The following TANC1 variants were observed in gnomAD, a reference collection of about 807,000 sequenced individuals.
The protein encoded by TANC1 is tetratricopeptide repeat, ankyrin repeat and coiled-coil containing 1, also known as protein TANC1.
Under a neutral mutation model 149.7 loss-of-function variants are expected in TANC1, and 77 were observed. The observed-to-expected ratio is 0.51, with a 90% CI of 0.43 to 0.62. TANC1 has a LOEUF of 0.62. Among genes scored for constraint, TANC1 ranks in the 20% least tolerant of loss-of-function variants. TANC1 has a pLI of 0.00. For synonymous variants in TANC1, 854 were observed against 925.0 expected, an observed-to-expected ratio of 0.92 and a Z score of 1.39; for missense variants, 1,985 against 2,321.8, an observed-to-expected ratio of 0.85 and a Z score of 2.98.
At position 159,179,003 on chromosome 2, in the gene TANC1, G is replaced by A. The variant is rs372387758; in HGVS notation, c.2350G>A (p.Gly784Arg). The A allele has an allele frequency of 5.6e-6, 9 of 1,613,942 alleles. No individual in the cohort carries two copies. The highest frequency in any genetic ancestry group is 7.6e-6 in the Non-Finnish European group (9 of 1,180,022). ...FQAINAGHIQ[G>R]EQGWEDFQQR... The stretch of plus-strand genomic sequence containing the variant: ...GGCTATTAATGCTGGCCACATCCAG[G>A]GGGAGCAGGGATGGGAAGACTTTCA... The change falls in exon 14 of 27, where the codon GGG becomes AGG. Residue 784 changes from glycine to arginine, a missense_variant. This residue lies in a region of TANC1 where 508 missense variants were observed against 714.2 expected (regional missense o/e 0.71). Transcript: ENST00000263635.
chr2:159,143,345 A>G (rs1156897017), intron 5 of TANC1, among the ~76,000 whole-genome samples: 1 of 152,048 alleles, frequency 6.6e-6, no homozygotes, highest in African/African-American at 2.4e-5. Flanking sequence ...ACAGTCTTGC[A>G]TGGGTAAAAG....
chr2:159,146,705 T>TA (rs1019719682), intron 5 of TANC1, among the ~76,000 whole-genome samples: 21 of 152,112 alleles, frequency 1.4e-4, no homozygotes, highest in African/African-American at 4.8e-4. Context: ...TACGCCCAGC[T>TA]AATTTTTGTA....
At chr2:159,150,818 G>A (rs903353832) in intron 7 of TANC1, 2 of 389,556 alleles carry the variant, frequency 5.1e-6, no homozygotes, top group African/African-American at 4.1e-5. Context: ...GATCTGGCCT[G>A]TGAAACAAAA....
chr2:159,131,653 T>A (rs1226155780), intron 4 of TANC1, among the ~76,000 whole-genome samples: 1 of 152,212 alleles, frequency 6.6e-6, no homozygotes, highest in African/African-American at 2.4e-5. Flanking sequence ...GGTCTTTCTT[T>A]AATCTTTTTG....
At chr2:159,025,725 G>T (rs2039287602) in intron 2 of TANC1, among the ~76,000 whole-genome samples, 1 of 152,026 alleles carries the variant, frequency 6.6e-6, no homozygotes, top group Non-Finnish European at 1.5e-5. Context: ...CTTTGAAATG[G>T]TATACAATTT....
At chr2:159,103,668 G>C (rs1218463931) in intron 4 of TANC1, among the ~76,000 whole-genome samples, 1 of 96,674 alleles carries the variant, frequency 1.0e-5, no homozygotes, top group African/African-American at 2.9e-5. Context: ...AGATCATGGA[G>C]GTTCACAGGC....
intron 2 of TANC1, among the ~76,000 whole-genome samples, chr2:159,062,991 A>AAAAAAAAAAAAAAAAAAG (rs1553534848): frequency 2.7e-5 from 4 of 147,094 alleles, no homozygotes; most frequent in Non-Finnish European, 4.5e-5. Context: ...AAAAAAAAAA[A>AAAAAAAAAAAAAAAAAAG]AAAAGAAAGC....
chr2:159,142,895 C>T (rs2051537917), intron 5 of TANC1, among the ~76,000 whole-genome samples: 1 of 151,720 alleles, frequency 6.6e-6, no homozygotes, highest in Non-Finnish European at 1.5e-5. Context: ...GAAACCTTGT[C>T]TCTACTAAAA....
intron 8 of TANC1, among the ~76,000 whole-genome samples, chr2:159,165,189 C>T (rs1043977869): frequency 6.6e-6 from 1 of 152,098 alleles, no homozygotes; most frequent in African/African-American, 2.4e-5. Flanking sequence ...GTTTTCTGCT[C>T]GATGTTCTTT....
At position 159,224,371 on chromosome 2, in the gene TANC1, G is replaced by A. The variant is rs1236391521; in HGVS notation, c.3811+7G>A. 1.2e-6 allele frequency: 2 copies of A among 1,614,066 alleles called. No individual in the cohort carries two copies. Among genetic ancestry groups the A allele is most frequent in the Non-Finnish European group, 1.7e-6 (2 of 1,180,034 alleles). On this transcript the variant is annotated splice_region_variant and intron_variant, in intron 23 of 26. Transcript: ENST00000263635. ...AGAAAGGGAGCCAAGTTAGGTCAGT[G>A]AGCACTGCCTCCATTGAGCAGGAGG...
At chr2:159,096,587 GC>G in intron 3 of TANC1, among the ~76,000 whole-genome samples, 1 of 152,330 alleles carries the variant, frequency 6.6e-6, no homozygotes, top group East Asian at 1.9e-4. Flanking sequence ...GACGCAGGTA[GC>G]CCCTGCTGCT....
chr2:159,199,129 A>C, intron 19 of TANC1, 76 bp downstream of exon 19: 1 of 1,063,746 alleles, frequency 9.4e-7, no homozygotes, highest in Non-Finnish European at 1.5e-6. Context: ...TAATTGTCTT[A>C]AGAATGACTG....
chr2:159,083,944 A>G (rs2044546263), intron 3 of TANC1, among the ~76,000 whole-genome samples: 1 of 151,462 alleles, frequency 6.6e-6, no homozygotes, highest in South Asian at 2.1e-4. Context: ...ATGCATACAA[A>G]TAAGATATAG....
intron 7 of TANC1, among the ~76,000 whole-genome samples, chr2:159,160,076 C>T (rs1028066036): frequency 3.3e-5 from 5 of 152,114 alleles, no homozygotes; most frequent in Admixed American, 6.5e-5. Context: ...TGAGACTAAA[C>T]GGAATGTAAC....
At chr2:158,984,650 G>C (rs144630168) in intron 1 of TANC1, among the ~76,000 whole-genome samples, 1 of 152,100 alleles carries the variant, frequency 6.6e-6, no homozygotes, top group African/African-American at 2.4e-5. Context: ...ACCACTGCAA[G>C]GTGTTAGGGA....
At chr2:159,118,326 T>C (rs1171153919) in intron 4 of TANC1, among the ~76,000 whole-genome samples, 1 of 152,332 alleles carries the variant, frequency 6.6e-6, no homozygotes, top group East Asian at 1.9e-4. Context: ...CACTTAGGGG[T>C]ATGGTGGTGT....
intron 2 of TANC1, among the ~76,000 whole-genome samples, chr2:159,024,201 A>G (rs2039065358): frequency 6.6e-6 from 1 of 152,202 alleles, no homozygotes; most frequent in South Asian, 2.1e-4. Context: ...TGTGTATGCA[A>G]TGGCAGTCCC....
At chr2:159,133,436 C>CCTCCAA (rs2050315390) in intron 4 of TANC1, among the ~76,000 whole-genome samples, 1 of 151,666 alleles carries the variant, frequency 6.6e-6, no homozygotes, top group Non-Finnish European at 1.5e-5. Flanking sequence ...CTTACTGTAG[C>CCTCCAA]CTCCAACTCC....
At position 159,084,995 on chromosome 2, in the gene TANC1, A is replaced by G. The variant is rs962675006; in HGVS notation, c.62-12642A>G. 2.6e-5 allele frequency among the ~76,000 whole-genome samples: 4 copies of G among 152,180 alleles called. 1 individual carries two copies. Among genetic ancestry groups the G allele is most frequent in the Middle Eastern group, 6.3e-3 (2 of 316 alleles). ...CCTCATCTGCAGCAAGGGGGCAATG[A>G]CAGTGTCATTTTAAATGGAATGGGG... On this transcript the variant is annotated intron_variant, in intron 3 of 26. Transcript: ENST00000263635.
Sources: gnomAD v4.1 joint callset for allele counts (sites outside exome capture counted in the v4.1 genomes callset) on GRCh38, gnomAD v4.1.1 for gene constraint, gnomAD v4.1.1 regional missense constraint, MANE v1.5 for transcripts, NCBI Gene and HGNC (gene_info 2026-07-23, HGNC 2026-07-21) for gene names.